Variants in XPA observed in about 807,000 individuals in gnomAD.
The protein encoded by XPA is XPA, DNA damage recognition and repair factor, also known as DNA repair protein complementing XP-A cells.
XPA carries 27 observed loss-of-function variants against 35.7 expected under a neutral mutation model. That is an observed-to-expected ratio of 0.76 (90% CI 0.56 to 1.04). The LOEUF (loss-of-function observed/expected upper bound fraction) is 1.04. Ranked by LOEUF, XPA falls within the 50% of genes least tolerant of loss-of-function variation. The pLI is 0.00. For missense variants in XPA, 354 were observed against 342.7 expected, an observed-to-expected ratio of 1.03 and a Z score of -0.26; for synonymous variants, 133 against 118.4, an observed-to-expected ratio of 1.12 and a Z score of -0.80.
At chr9:97,662,717 T>C in the XPA span, among the ~76,000 whole-genome samples, 6 of 152,348 alleles carry the variant, frequency 3.9e-5, no homozygotes, top group Middle Eastern at 3.4e-3. Context: ...ACCTATTCTT[T>C]TAAACTGTAG....
chr9:97,678,908 C>T (rs1419086757), intron 5 of XPA, among the ~76,000 whole-genome samples: 1 of 152,062 alleles, frequency 6.6e-6, no homozygotes, highest in Non-Finnish European at 1.5e-5. Flanking sequence ...AAGGGCAGGG[C>T]AGGGGAAGCA....
At chr9:97,677,141 A>C (rs1564037610) in intron 5 of XPA, among the ~76,000 whole-genome samples, 3 of 152,096 alleles carry the variant, frequency 2.0e-5, no homozygotes, top group Non-Finnish European at 4.4e-5. Flanking sequence ...TGCTAAACTA[A>C]CTTCTCTGCC....
chr9:97,664,244 CCCT>C, the XPA span: 17 of 693,212 alleles, frequency 2.5e-5, no homozygotes, highest in Admixed American at 1.3e-4. Flanking sequence ...AATTTTATAG[CCCT>C]CCTATTTTAC....
At chr9:97,671,310 G>A, downstream of XPA, 2 of 752,380 alleles carry the variant, frequency 2.7e-6, no homozygotes, top group Non-Finnish European at 4.3e-6. Flanking sequence ...ACTTCTTAAA[G>A]GAAACAAAGG....
At chr9:97,657,167 T>C in the XPA span, among the ~76,000 whole-genome samples, 1 of 152,020 alleles carries the variant, frequency 6.6e-6, no homozygotes, top group African/African-American at 2.4e-5. Flanking sequence ...GGGGTTTCAC[T>C]GTGTTAGCTG....
At chr9:97,667,181 A>G in the XPA span, among the ~76,000 whole-genome samples, 2 of 152,154 alleles carry the variant, frequency 1.3e-5, no homozygotes, top group African/African-American at 2.4e-5. Flanking sequence ...GGAAGAGGAC[A>G]CTTGTATTTC....
At chr9:97,662,430 T>C in the XPA span, among the ~76,000 whole-genome samples, 1 of 152,166 alleles carries the variant, frequency 6.6e-6, no homozygotes, top group South Asian at 2.1e-4. Context: ...AGTTGGAAGT[T>C]CCCACGCTAA....
chr9:97,689,065 C>T (rs892288587), intron 3 of XPA, among the ~76,000 whole-genome samples: 2 of 152,148 alleles, frequency 1.3e-5, no homozygotes, highest in South Asian at 4.1e-4. Flanking sequence ...GAATATAGTT[C>T]TTCCTCATCT....
chr9:97,671,224 G>T, downstream of XPA: 4 of 1,479,162 alleles, frequency 2.7e-6, no homozygotes, highest in Admixed American at 3.8e-5. Flanking sequence ...TCATGTCAAG[G>T]TTTTTTTTGA....
downstream of XPA, among the ~76,000 whole-genome samples, chr9:97,674,409 A>T (rs1395077648): frequency 6.6e-6 from 1 of 152,118 alleles, no homozygotes; most frequent in Non-Finnish European, 1.5e-5. Flanking sequence ...TTCTCCAAGC[A>T]TAATCTCCAT....
At chr9:97,691,668 G>GC (rs1828890908) in intron 2 of XPA, among the ~76,000 whole-genome samples, 2 of 151,898 alleles carry the variant, frequency 1.3e-5, no homozygotes, top group South Asian at 4.2e-4. Flanking sequence ...AGCCAAGATT[G>GC]CCCCACTGCA....
At chr9:97,683,561 A>G (rs3176703) in intron 5 of XPA, among the ~76,000 whole-genome samples, 2,130 of 152,324 alleles carry the variant, frequency 0.014, 102 homozygotes, top group East Asian at 0.13. Context: ...ACTTCGTGTC[A>G]AACAGTGCTT....
rs975088617 is a variant in XPA, at chr9:97,677,792, T to C, written c.674-2205A>G. Among the ~76,000 whole-genome samples, 12 of 151,766 alleles carry C rather than the reference T, an allele frequency of 7.9e-5. No individual in the cohort carries two copies. In the South Asian group the frequency reaches 2.5e-3, roughly 32 times the overall value. ...TTCTTTCCCTTTCTGAACAATCCAG[T>C]CCTATGGAGCAAGCAAGCATCCATA... On this transcript the variant is annotated intron_variant, in intron 5 of 5. Transcript: ENST00000375128.
downstream of XPA, chr9:97,669,948 C>T (rs918957506): frequency 9.0e-5 from 45 of 497,262 alleles, no homozygotes; most frequent in South Asian, 2.3e-4. Flanking sequence ...TTTGAGATGG[C>T]ATCTCACTCT....
the XPA span, chr9:97,661,992 A>G: frequency 7.5e-7 from 1 of 1,328,866 alleles, no homozygotes; most frequent in Non-Finnish European, 1.1e-6. Flanking sequence ...TAAGGCACCA[A>G]GGAATTGCTG....
the XPA span, chr9:97,668,778 C>A: frequency 6.6e-7 from 1 of 1,519,348 alleles, no homozygotes; most frequent in African/African-American, 1.4e-5. Context: ...TAAAATGCTT[C>A]CCCTGGAGGA....
Position 97,678,874 on chromosome 9 carries a change from GC to G in XPA, c.674-3288del, listed in dbSNP as rs3176730. 5.0e-3 allele frequency among the ~76,000 whole-genome samples: 756 copies of G among 152,234 alleles called. 2 individuals carry two copies. The highest frequency in any genetic ancestry group is 8.3e-3 in the Non-Finnish European group (563 of 68,014). On this transcript the variant is annotated intron_variant, in intron 5 of 5. Transcript: ENST00000375128. ...CAACCAGCAGGACACACCAGAAACT[GC>G]CCCAAGTGAGAAGCATGTTTTGAAG...
the XPA span, chr9:97,661,065 G>C: frequency 3.1e-6 from 5 of 1,611,822 alleles, no homozygotes; most frequent in Non-Finnish European, 4.2e-6. Flanking sequence ...GGATGATGAC[G>C]ACGGTAAGTG....
chr9:97,657,196 G>A, the XPA span, among the ~76,000 whole-genome samples: 1 of 152,126 alleles, frequency 6.6e-6, no homozygotes, highest in Non-Finnish European at 1.5e-5. Flanking sequence ...TCGATCTCCT[G>A]ACCTCGTGAT....
Sources: gnomAD v4.1 joint callset for allele counts (sites outside exome capture counted in the v4.1 genomes callset) on GRCh38, gnomAD v4.1.1 for gene constraint, MANE v1.5 for transcripts, NCBI Gene and HGNC (gene_info 2026-07-23, HGNC 2026-07-21) for gene names.